Variants in RIMBP2 observed in about 807,000 individuals in gnomAD.
RIMBP2 encodes the protein RIMS binding protein 2, also known as RIMS-binding protein 2.
In RIMBP2, 48 loss-of-function variants were observed where a neutral mutation model predicts 118.6. The observed-to-expected ratio is 0.40, with a 90% CI of 0.32 to 0.51. The LOEUF is 0.51. RIMBP2 is among the 20% of genes least tolerant of loss of function. The probability of loss-of-function intolerance (pLI) is 0.41; values close to 1 mark genes in which losing one functional copy is unlikely to be tolerated. For synonymous variants in RIMBP2, 762 were observed against 742.9 expected, an observed-to-expected ratio of 1.03 and a Z score of -0.42; for missense variants, 1,551 against 1,768.3, an observed-to-expected ratio of 0.88 and a Z score of 2.20.
chr12:130,612,098 T>C (rs1286348570), intron 2 of RIMBP2, among the ~76,000 whole-genome samples: 2 of 152,006 alleles, frequency 1.3e-5, no homozygotes, highest in Non-Finnish European at 2.9e-5. Flanking sequence ...GGGCAGGTGC[T>C]CAGACATCAC....
At position 130,424,969 on chromosome 12, in the gene RIMBP2, A is replaced by C; in HGVS notation, c.2413-111T>G. On this transcript the variant is annotated intron_variant, in intron 15 of 22. Coordinates refer to ENST00000690449, the MANE Select transcript of RIMBP2 (RefSeq NM_001393629.1). The surrounding 1 kb of genome is among the most constrained non-coding windows in gnomAD (Gnocchi z 9.8). Reference sequence around the variant, plus strand: ...GACAGAATTAGTCCTGGAGGCACCGAGGGGGGGGAAGCATGCGTCTACTCA... The same window carrying C: ...GACAGAATTAGTCCTGGAGGCACCGCGGGGGGGGAAGCATGCGTCTACTCA... 9.7e-6 allele frequency: 5 copies of C among 512,958 alleles called. No homozygotes were observed. The highest frequency in any genetic ancestry group is 8.7e-6 in the Non-Finnish European group (3 of 346,714). The allele number at this position is 512,958 out of a possible 1,614,324, so 31.8% of individuals were successfully genotyped here. A position where few individuals can be genotyped will look rare whatever the true frequency, so the allele number is the denominator to read the frequency against.
chr12:130,448,446 G>C (rs1039484940), intron 9 of RIMBP2, among the ~76,000 whole-genome samples: 1 of 152,228 alleles, frequency 6.6e-6, no homozygotes, highest in Non-Finnish European at 1.5e-5. Context: ...GAAGGAAGGC[G>C]TCTGTGGCAC....
chr12:130,608,277 G>A lies in RIMBP2; in HGVS notation c.-217+20045C>T, dbSNP rs547052584. Among the ~76,000 whole-genome samples, 5 of 152,354 alleles carry A rather than the reference G, an allele frequency of 3.3e-5. 1 individual carries two copies. The South Asian group carries it at 1.0e-3, about 32-fold the overall frequency. Reference sequence around the variant, plus strand: ...ACAATGGGAAACCAAGAGACTCTTAGGACTAGAGGATGCTGGGCAGGAAGG... The same window carrying A: ...ACAATGGGAAACCAAGAGACTCTTAAGACTAGAGGATGCTGGGCAGGAAGG... On this transcript the variant is annotated intron_variant, in intron 2 of 22. Coordinates refer to ENST00000690449, the MANE Select transcript of RIMBP2 (RefSeq NM_001393629.1).
intron 4 of RIMBP2, among the ~76,000 whole-genome samples, chr12:130,481,354 A>G (rs972835075): frequency 1.3e-5 from 2 of 152,182 alleles, no homozygotes; most frequent in Non-Finnish European, 2.9e-5. Flanking sequence ...TCCACTTTTC[A>G]TTCTGCAAAG....
intron 6 of RIMBP2, among the ~76,000 whole-genome samples, chr12:130,459,470 G>A (rs1216838184): frequency 3.9e-5 from 6 of 151,994 alleles, no homozygotes; most frequent in East Asian, 1.9e-4. Context: ...GTAAATTCCC[G>A]TGACCCTAAA....
chr12:130,560,467 C>T (rs879721916), intron 2 of RIMBP2, among the ~76,000 whole-genome samples: 2 of 152,100 alleles, frequency 1.3e-5, no homozygotes, highest in Admixed American at 6.6e-5. Flanking sequence ...GACCCCCCAC[C>T]GGTAGTGACC....
At chr12:130,471,031 A>G (rs1047028623) in intron 5 of RIMBP2, among the ~76,000 whole-genome samples, 1 of 152,216 alleles carries the variant, frequency 6.6e-6, no homozygotes, top group Non-Finnish European at 1.5e-5. Flanking sequence ...TGCCTCTGAC[A>G]GCACCTTCAT....
At chr12:130,568,926 CA>C (rs2140019501) in intron 2 of RIMBP2, among the ~76,000 whole-genome samples, 1 of 152,040 alleles carries the variant, frequency 6.6e-6, no homozygotes, top group South Asian at 2.1e-4. Flanking sequence ...TCTAAAATGC[CA>C]CGTGCCCTCC....
rs2052363727 is a variant in RIMBP2 at position 130,523,213 on chromosome 12, T to G, written c.-216-5296A>C. 6.6e-6 allele frequency among the ~76,000 whole-genome samples: 1 copy of G among 152,052 alleles called. No homozygotes were observed. Among genetic ancestry groups the G allele is most frequent in the Non-Finnish European group, 1.5e-5 (1 of 68,002 alleles). ...TCTATTTCTCTGTGTTGGGGGGGGT[T>G]TCTCTGCCTCCATCTCTCTCTGTCC... On this transcript the variant is annotated intron_variant, in intron 2 of 22. Coordinates refer to ENST00000690449, the MANE Select transcript of RIMBP2 (RefSeq NM_001393629.1). The surrounding 1 kb of genome is among the most constrained non-coding windows in gnomAD (Gnocchi z 4.4).
At chr12:130,715,463 A>C (rs1950264290) in intron 1 of RIMBP2, among the ~76,000 whole-genome samples, 1 of 151,770 alleles carries the variant, frequency 6.6e-6, no homozygotes, top group African/African-American at 2.4e-5. Flanking sequence ...CCCCACCTGG[A>C]CCTACCCAGA....
intron 11 of RIMBP2, among the ~76,000 whole-genome samples, chr12:130,439,259 T>C (rs561298814): frequency 5.3e-5 from 8 of 151,892 alleles, no homozygotes; most frequent in Middle Eastern, 3.4e-3. Flanking sequence ...TATATGTACA[T>C]GTGTATGTGT....
intron 1 of RIMBP2, among the ~76,000 whole-genome samples, chr12:130,681,259 T>C (rs1029225380): frequency 6.6e-6 from 1 of 151,744 alleles, no homozygotes; most frequent in African/African-American, 2.4e-5. Context: ...GCCCAGGCAA[T>C]ACAGTGAGAC....
rs1225273777 is a variant in RIMBP2, at chr12:130,451,332, T to C, written c.367A>G (p.Ser123Gly). 2 of 1,603,316 alleles carry C rather than the reference T, an allele frequency of 1.2e-6. No homozygotes were observed. Among genetic ancestry groups the C allele is most frequent in the African/African-American group, 2.7e-5 (2 of 74,552 alleles). The change falls in exon 8 of 23, where the codon AGC becomes GGC. Residue 123 changes from serine (S) to glycine (G), a missense_variant. Ser to Gly is a moderately conservative substitution (Grantham distance 56). Transcript: ENST00000690449. The stretch of plus-strand genomic sequence containing the variant: ...ATCGCAGAGCTGCCTCCAATAGCGC[T>C]CTCCTGACCTGGCCACGAACATTAA... Reference protein sequence around the residue: ...LATSLGKGQESAIGGSSAIGE... With the variant: ...LATSLGKGQEGAIGGSSAIGE...
intron 1 of RIMBP2, among the ~76,000 whole-genome samples, chr12:130,632,573 T>G (rs1226386883): frequency 5.9e-5 from 9 of 152,162 alleles, no homozygotes; most frequent in Admixed American, 5.9e-4. Flanking sequence ...TTCTCTTTGC[T>G]CTGGGGCCCC....
chr12:130,549,087 T>C (rs1846603430), intron 2 of RIMBP2, among the ~76,000 whole-genome samples: 1 of 152,204 alleles, frequency 6.6e-6, no homozygotes, highest in South Asian at 2.1e-4. Context: ...AGGAAACTTG[T>C]AAGAAATGCA....
chr12:130,668,901 G>A (rs1419695039), intron 1 of RIMBP2, among the ~76,000 whole-genome samples: 1 of 152,234 alleles, frequency 6.6e-6, no homozygotes, highest in Non-Finnish European at 1.5e-5. Context: ...GTTGAGCCAA[G>A]CCAAGCCCCG....
At chr12:130,601,628 A>G (rs891257380) in intron 2 of RIMBP2, among the ~76,000 whole-genome samples, 15 of 152,334 alleles carry the variant, frequency 9.8e-5, no homozygotes, top group African/African-American at 3.4e-4. Flanking sequence ...TCCAGCACAC[A>G]TAGAATGCTT....
At chr12:130,713,256 A>T (rs1950084062) in intron 1 of RIMBP2, among the ~76,000 whole-genome samples, 1 of 137,686 alleles carries the variant, frequency 7.3e-6, no homozygotes, top group African/African-American at 2.8e-5. Flanking sequence ...GAAGGAAGGA[A>T]GGAAGGAAGG....
rs1001953722 is a variant in RIMBP2, at chr12:130,450,606, T to G, written c.505-330A>C. ...GCGGCGTGGCCTTTTCTCATAGGGG[T>G]GGGGGTAAAATTAAGCAGTATGTGC... is the stretch of plus-strand genomic sequence containing the variant. On this transcript the variant is annotated intron_variant, in intron 8 of 22. Coordinates refer to ENST00000690449, the MANE Select transcript of RIMBP2 (RefSeq NM_001393629.1). The surrounding 1 kb of genome is among the most constrained non-coding windows in gnomAD (Gnocchi z 4.8). Among the ~76,000 whole-genome samples the G allele has an allele frequency of 6.6e-6, 1 of 151,304 alleles. No individual in the cohort carries two copies. Among genetic ancestry groups the G allele is most frequent in the Middle Eastern group, 3.4e-3 (1 of 292 alleles).
Sources: allele counts gnomAD v4.1 joint callset (sites outside exome capture counted in the v4.1 genomes callset), GRCh38; gene constraint gnomAD v4.1.1; non-coding constraint Gnocchi (gnomAD v3.1); transcripts MANE v1.5; gene names NCBI Gene and HGNC (gene_info 2026-07-23, HGNC 2026-07-21).